GPM6A: variants seen among roughly 807,000 people sequenced by gnomAD.
GPM6A encodes neuronal membrane glycoprotein M6-a.
GPM6A carries 7 observed loss-of-function variants against 32.1 expected under a neutral mutation model. The observed-to-expected ratio is 0.22, with a 90% CI of 0.12 to 0.41. The LOEUF (loss-of-function observed/expected upper bound fraction) is 0.41. Ranked by LOEUF, GPM6A falls within the 10% of genes least tolerant of loss-of-function variation. GPM6A has a pLI of 1.00. For missense variants in GPM6A, 235 were observed against 347.2 expected (o/e 0.68, Z 2.57); for synonymous variants, 130 against 123.4 (o/e 1.05, Z -0.35).
At chr4:175,997,231 A>G (rs1485559442) in intron 1 of GPM6A, among the ~76,000 whole-genome samples, 1 of 152,118 alleles carries the variant, frequency 6.6e-6, no homozygotes, top group Non-Finnish European at 1.5e-5. Context: ...AAAATAATAA[A>G]TTGTTGTTTT....
intron 1 of GPM6A, among the ~76,000 whole-genome samples, chr4:175,980,760 G>C (rs1740795015): frequency 6.6e-6 from 1 of 152,144 alleles, no homozygotes. Flanking sequence ...TTTATGTACA[G>C]GTCACTTCTC....
intron 1 of GPM6A, among the ~76,000 whole-genome samples, chr4:175,811,003 T>C (rs1734896346): frequency 6.6e-6 from 1 of 152,168 alleles, no homozygotes; most frequent in Admixed American, 6.5e-5. Context: ...ATCTATTATC[T>C]CTTGCTTATA....
chr4:175,653,830 T>C lies in GPM6A; in HGVS notation c.388-1843A>G, dbSNP rs142920186. Among the ~76,000 whole-genome samples, 12 of 152,276 alleles carry C rather than the reference T, an allele frequency of 7.9e-5. No homozygotes were observed. The East Asian group carries it at 2.3e-3, about 29-fold the overall frequency. On this transcript the variant is annotated intron_variant, in intron 3 of 6. Coordinates refer to ENST00000393658, the MANE Select transcript of GPM6A (RefSeq NM_201591.3). ...GTCTTTAGACACACTTGACTGTATA[T>C]GGTAAACATTTTACTCATCTTCCCC...
intron 2 of GPM6A, among the ~76,000 whole-genome samples, chr4:175,689,913 G>C (rs1744203556): frequency 6.6e-6 from 1 of 152,196 alleles, no homozygotes; most frequent in South Asian, 2.1e-4. Flanking sequence ...CCAGAGCACT[G>C]GGTGTGTGTT....
chr4:175,789,178 C>G (rs1022947391), intron 1 of GPM6A, among the ~76,000 whole-genome samples: 2 of 152,028 alleles, frequency 1.3e-5, no homozygotes, highest in Non-Finnish European at 2.9e-5. Context: ...AATACGTCTT[C>G]TTTTTAAAAG....
intron 1 of GPM6A, among the ~76,000 whole-genome samples, chr4:175,973,388 G>A (rs1336605870): frequency 6.6e-6 from 1 of 152,144 alleles, no homozygotes; most frequent in Non-Finnish European, 1.5e-5. Flanking sequence ...GTTGTTTTCA[G>A]TAAGGTCCAC....
At chr4:175,819,568 C>T (rs1735212155) in intron 1 of GPM6A, among the ~76,000 whole-genome samples, 1 of 152,018 alleles carries the variant, frequency 6.6e-6, no homozygotes, top group Non-Finnish European at 1.5e-5. Flanking sequence ...CCACAACAGC[C>T]CTGTCAGGTA....
chr4:175,692,908 T>G (rs1744376309), intron 2 of GPM6A, among the ~76,000 whole-genome samples: 1 of 152,150 alleles, frequency 6.6e-6, no homozygotes, highest in Admixed American at 6.6e-5. Context: ...TCTTTTTACC[T>G]TTATATTCTG....
chr4:175,762,170 C>T (rs1732773882), intron 1 of GPM6A, among the ~76,000 whole-genome samples: 2 of 152,172 alleles, frequency 1.3e-5, no homozygotes, highest in South Asian at 4.1e-4. Context: ...GCTTTGAATT[C>T]CCTTGGTCAT....
At chr4:175,821,453 T>C (rs1410397362) in intron 1 of GPM6A, among the ~76,000 whole-genome samples, 1 of 152,092 alleles carries the variant, frequency 6.6e-6, no homozygotes, top group African/African-American at 2.4e-5. Context: ...TTTGGTCATC[T>C]ATATATATTT....
chr4:175,776,332 C>T (rs975886346), intron 1 of GPM6A, among the ~76,000 whole-genome samples: 1 of 152,098 alleles, frequency 6.6e-6, no homozygotes, highest in Non-Finnish European at 1.5e-5. Flanking sequence ...ATGTAACTGA[C>T]AGTAAGAGCA....
At chr4:175,934,068 G>A (rs1242612628) in intron 1 of GPM6A, among the ~76,000 whole-genome samples, 1 of 152,172 alleles carries the variant, frequency 6.6e-6, no homozygotes, top group Non-Finnish European at 1.5e-5. Flanking sequence ...TTCTACAGCA[G>A]GCAAAACCAA....
chr4:175,670,869 T>TTC (rs1426518777), intron 3 of GPM6A, among the ~76,000 whole-genome samples: 2 of 150,636 alleles, frequency 1.3e-5, no homozygotes, highest in African/African-American at 4.9e-5. Context: ...TCATTTTTTT[T>TTC]TTTTTTTTTT....
At chr4:175,840,723 G>C (rs896071153) in intron 1 of GPM6A, among the ~76,000 whole-genome samples, 2 of 145,136 alleles carry the variant, frequency 1.4e-5, no homozygotes, top group Admixed American at 1.4e-4. Flanking sequence ...TAGAGGCAAG[G>C]AAGTGAAGAA....
intron 1 of GPM6A, among the ~76,000 whole-genome samples, chr4:175,791,530 A>C (rs1250809612): frequency 1.3e-5 from 2 of 152,200 alleles, no homozygotes; most frequent in Non-Finnish European, 2.9e-5. Context: ...CCCTATATGT[A>C]AAGTAAGAGC....
At chr4:175,723,535 G>C (rs923188182) in intron 1 of GPM6A, among the ~76,000 whole-genome samples, 5 of 152,018 alleles carry the variant, frequency 3.3e-5, no homozygotes, top group South Asian at 2.1e-4. Context: ...CAGGCAAAAG[G>C]GTATTTCTGG....
At chr4:175,812,301 GTTTTTTTT>G, upstream of GPM6A, 2 of 793,062 alleles carry the variant, frequency 2.5e-6, no homozygotes, top group East Asian at 8.8e-5. Context: ...AAAACTGGGG[GTTTTTTTT>G]TTTTTTTTTT....
intron 1 of GPM6A, among the ~76,000 whole-genome samples, chr4:175,995,217 G>A (rs1312436956): frequency 2.0e-5 from 3 of 151,996 alleles, no homozygotes; most frequent in African/African-American, 7.3e-5. Flanking sequence ...ATGTTCTTAA[G>A]GGCATCTAGA....
intron 1 of GPM6A, among the ~76,000 whole-genome samples, chr4:175,978,515 C>T (rs1740728558): frequency 6.6e-6 from 1 of 152,186 alleles, no homozygotes; most frequent in Non-Finnish European, 1.5e-5. Flanking sequence ...CTTGCCTCCA[C>T]ATACCTTCTT....
Sources: allele counts gnomAD v4.1 joint callset (sites outside exome capture counted in the v4.1 genomes callset), GRCh38; gene constraint gnomAD v4.1.1; transcripts MANE v1.5; gene names NCBI Gene and HGNC (gene_info 2026-07-23, HGNC 2026-07-21).